The following TRIM5 variants were observed in gnomAD, a reference collection of about 807,000 sequenced individuals.
The protein encoded by TRIM5 is tripartite motif-containing protein 5.
In TRIM5, 31 loss-of-function variants were observed where a neutral mutation model predicts 35.6. The ratio of observed to expected loss-of-function variants is 0.87; its 90% CI spans 0.65 to 1.18. The LOEUF (loss-of-function observed/expected upper bound fraction) is 1.18, where lower values mean the gene tolerates loss of function less well. Ranked by LOEUF, TRIM5 falls within the 50% of genes most tolerant of loss-of-function variation. The probability of loss-of-function intolerance (pLI) is 0.00; values close to 1 mark genes in which losing one functional copy is unlikely to be tolerated. For missense variants in TRIM5, 609 were observed against 591.6 expected (o/e 1.03, Z -0.31); for synonymous variants, 243 against 215.6 (o/e 1.13, Z -1.11).
intron 1 of TRIM5, chr11:5,684,270 C>G (rs1339273243): frequency 2.6e-5 from 4 of 152,418 alleles, no homozygotes; most frequent in Non-Finnish European, 4.4e-5. Flanking sequence ...GTACTCAGTT[C>G]TTTTAAAGCC....
At chr11:5,674,993 A>T (rs1180273515) in intron 4 of TRIM5, among the ~76,000 whole-genome samples, 2 of 152,164 alleles carry the variant, frequency 1.3e-5, no homozygotes, top group Non-Finnish European at 2.9e-5. Flanking sequence ...AATTATAGTT[A>T]ACAATGTATT....
At chr11:5,592,042 T>C in the TRIM5 span, among the ~76,000 whole-genome samples, 1 of 152,156 alleles carries the variant, frequency 6.6e-6, no homozygotes, top group South Asian at 2.1e-4. Flanking sequence ...AGAGGTCTGA[T>C]CTATAGTTAA....
chr11:5,613,936 C>T, the TRIM5 span, among the ~76,000 whole-genome samples: 1 of 152,086 alleles, frequency 6.6e-6, no homozygotes, highest in East Asian at 1.9e-4. Context: ...CTTGGAGAAC[C>T]CAAAGTATTG....
At chr11:5,661,806 G>C (rs1590215723), downstream of TRIM5, among the ~76,000 whole-genome samples, 1 of 152,282 alleles carries the variant, frequency 6.6e-6, no homozygotes, top group East Asian at 1.9e-4. Flanking sequence ...TCAGCTGAGA[G>C]GTTCATTACT....
At chr11:5,672,180 T>G (rs534052681) in intron 4 of TRIM5, among the ~76,000 whole-genome samples, 2 of 152,342 alleles carry the variant, frequency 1.3e-5, no homozygotes, top group South Asian at 4.1e-4. Context: ...GAGAATTTGT[T>G]GCTGGAAGAT....
chr11:5,679,744 C>T lies in TRIM5; in HGVS notation c.417+17G>A. On this transcript the variant is annotated intron_variant, in intron 2 of 7. Coordinates refer to ENST00000380034, the MANE Select transcript of TRIM5 (RefSeq NM_033034.3). ...TCCCATTTTCTGCCCTCTCTTCCTT[C>T]CATCCCAGTCTCTTACTTGGTACTC... 1.3e-6 allele frequency: 2 copies of T among 1,548,714 alleles called. No individual in the cohort carries two copies. Among genetic ancestry groups the T allele is most frequent in the Non-Finnish European group, 1.7e-6 (2 of 1,146,064 alleles).
intron 6 of TRIM5, 25 bp from the exon 7 acceptor site, chr11:5,665,707 T>G: frequency 6.7e-7 from 1 of 1,499,738 alleles, no homozygotes. Flanking sequence ...ATGCACAATA[T>G]TGAATACAAA....
the TRIM5 span, among the ~76,000 whole-genome samples, chr11:5,639,282 A>G: frequency 0.012 from 1,756 of 152,294 alleles, 16 homozygotes; most frequent in African/African-American, 0.035. Flanking sequence ...TCTGGTTGCT[A>G]ATGGAAACCT....
the TRIM5 span, chr11:5,645,866 G>GTA: frequency 2.7e-5 from 2 of 73,284 alleles, no homozygotes; most frequent in East Asian, 2.8e-4. Context: ...CTAGTCTTCT[G>GTA]GAAAAAAAAA....
intron 3 of TRIM5, 56 bp from the exon 4 acceptor site, chr11:5,678,490 G>T: frequency 7.2e-7 from 1 of 1,392,008 alleles, no homozygotes; most frequent in South Asian, 1.6e-5. Flanking sequence ...GAGGCTGTTA[G>T]CCAGAAAAGG....
At chr11:5,597,093 CAG>C in the TRIM5 span, among the ~76,000 whole-genome samples, 1 of 152,062 alleles carries the variant, frequency 6.6e-6, no homozygotes, top group African/African-American at 2.4e-5. Context: ...TCAATAGAGA[CAG>C]AAATGTGTGG....
the TRIM5 span, chr11:5,596,294 G>C: frequency 6.5e-6 from 1 of 154,564 alleles, no homozygotes; most frequent in Admixed American, 6.5e-5. Flanking sequence ...AGAAGAATGA[G>C]GGAGACTTCT....
At chr11:5,662,675 AAC>A (rs1451741830), downstream of TRIM5, among the ~76,000 whole-genome samples, 7 of 152,244 alleles carry the variant, frequency 4.6e-5, no homozygotes, top group Admixed American at 4.6e-4. Flanking sequence ...CCCATTTATA[AAC>A]ACTTATTTTA....
chr11:5,661,716 G>C (rs7943397), downstream of TRIM5, among the ~76,000 whole-genome samples: 99,524 of 152,042 alleles, frequency 0.65, 33,221 homozygotes, highest in African/African-American at 0.78. Context: ...TTAGCCTTTT[G>C]GAGCACAGGT....
the TRIM5 span, among the ~76,000 whole-genome samples, chr11:5,638,460 A>C: frequency 6.6e-6 from 1 of 151,980 alleles, no homozygotes; most frequent in Non-Finnish European, 1.5e-5. Context: ...CAGAGAGCAA[A>C]ACCATTTATT....
chr11:5,655,321 C>T, the TRIM5 span, among the ~76,000 whole-genome samples: 1 of 151,978 alleles, frequency 6.6e-6, no homozygotes, highest in African/African-American at 2.4e-5. Context: ...TTCCTGCCTC[C>T]CAGAATAATA....
At chr11:5,592,922 AAAAAAAAAG>A in the TRIM5 span, among the ~76,000 whole-genome samples, 1 of 128,620 alleles carries the variant, frequency 7.8e-6, no homozygotes, top group East Asian at 2.2e-4. Flanking sequence ...CTCAAAAAAA[AAAAAAAAAG>A]AAAAAAGAAA....
chr11:5,621,821 A>T, the TRIM5 span, among the ~76,000 whole-genome samples: 1 of 152,136 alleles, frequency 6.6e-6, no homozygotes, highest in Non-Finnish European at 1.5e-5. Context: ...CCAACCTGTG[A>T]CCTGGAAGCC....
the TRIM5 span, chr11:5,632,604 G>C: frequency 6.2e-7 from 1 of 1,613,596 alleles, no homozygotes; most frequent in Non-Finnish European, 8.5e-7. Context: ...CAGACAATGG[G>C]AAGAAGAGAG....
Sources: gnomAD v4.1 joint callset for allele counts (sites outside exome capture counted in the v4.1 genomes callset) on GRCh38, gnomAD v4.1.1 for gene constraint, MANE v1.5 for transcripts, NCBI Gene and HGNC (gene_info 2026-07-23, HGNC 2026-07-21) for gene names.